Variants in NSMAF observed in about 807,000 individuals in gnomAD.
NSMAF encodes neutral sphingomyelinase activation associated factor.
Under a neutral mutation model 134.9 loss-of-function variants are expected in NSMAF, and 90 were observed. The ratio of observed to expected loss-of-function variants is 0.67; its 90% CI spans 0.56 to 0.79. NSMAF has a LOEUF of 0.79. Ranked by LOEUF, NSMAF falls within the 30% of genes least tolerant of loss-of-function variation. NSMAF has a pLI of 0.00. For missense variants in NSMAF, 1,010 were observed against 1,119.0 expected, an observed-to-expected ratio of 0.90 and a Z score of 1.39; for synonymous variants, 358 against 389.6, an observed-to-expected ratio of 0.92 and a Z score of 0.96.
At chr8:58,607,434 G>C (rs1332493343) in intron 11 of NSMAF, among the ~76,000 whole-genome samples, 2 of 152,202 alleles carry the variant, frequency 1.3e-5, no homozygotes, top group African/African-American at 4.8e-5. Context: ...ATGAATGGTG[G>C]AGGCAAGTAC....
At chr8:58,599,437 T>C (rs1428178320) in intron 18 of NSMAF, 74 bp from the exon 19 acceptor site, 2 of 1,514,154 alleles carry the variant, frequency 1.3e-6, no homozygotes, top group African/African-American at 1.4e-5. Context: ...TCTATCTATA[T>C]GTATATAAAG....
intron 28 of NSMAF, among the ~76,000 whole-genome samples, 168 bp from the exon 29 acceptor site, chr8:58,586,168 C>A (rs1412294876): frequency 1.3e-5 from 2 of 152,122 alleles, no homozygotes; most frequent in Non-Finnish European, 2.9e-5. Context: ...CTAGCCCTTT[C>A]CAAGATGTAA....
At chr8:58,626,460 A>G (rs1806934195) in intron 6 of NSMAF, among the ~76,000 whole-genome samples, 1 of 152,164 alleles carries the variant, frequency 6.6e-6, no homozygotes, top group South Asian at 2.1e-4. Flanking sequence ...GAGAACATAC[A>G]ATAATCTGGT....
chr8:58,603,148 A>T (rs1457882808), intron 13 of NSMAF, 62 bp downstream of exon 13: 7 of 1,460,494 alleles, frequency 4.8e-6, no homozygotes, highest in Non-Finnish European at 6.7e-6. Flanking sequence ...TCTGTCCTTT[A>T]AAAACAATAC....
intron 9 of NSMAF, among the ~76,000 whole-genome samples, chr8:58,616,176 C>G (rs1806648286): frequency 6.6e-6 from 1 of 152,074 alleles, no homozygotes; most frequent in Non-Finnish European, 1.5e-5. Context: ...ATGGCTTCAT[C>G]AATAAATTCT....
At chr8:58,585,846 AT>A in intron 29 of NSMAF, 51 bp downstream of exon 29, 2 of 1,579,950 alleles carry the variant, frequency 1.3e-6, no homozygotes, top group Non-Finnish European at 1.7e-6. Flanking sequence ...AAATGAAGTG[AT>A]CATGAACATG....
chr8:58,591,078 C>G, intron 23 of NSMAF, 144 bp from the exon 24 acceptor site: 1 of 964,618 alleles, frequency 1.0e-6, no homozygotes, highest in Non-Finnish European at 1.4e-6. Context: ...CGAATGTAAA[C>G]AGAGCTAGAT....
chr8:58,656,143 C>T (rs1807704986), intron 1 of NSMAF, among the ~76,000 whole-genome samples: 1 of 151,760 alleles, frequency 6.6e-6, no homozygotes, highest in Admixed American at 6.6e-5. Flanking sequence ...CTCAGTCTCC[C>T]AAGTAGCTGG....
At chr8:58,659,207 A>G in intron 1 of NSMAF, 3 of 1,454,848 alleles carry the variant, frequency 2.1e-6, no homozygotes, top group Non-Finnish European at 1.8e-6. Context: ...TCCCCTGCGA[A>G]CGCCCGGGCT....
chr8:58,659,334 C>A, intron 1 of NSMAF: 1 of 1,527,606 alleles, frequency 6.5e-7, no homozygotes, highest in Non-Finnish European at 8.8e-7. Flanking sequence ...TGGAATCTGG[C>A]CTGGCCCGTC....
At chr8:58,609,091 AC>A (rs1466181956) in intron 10 of NSMAF, among the ~76,000 whole-genome samples, 7 of 152,194 alleles carry the variant, frequency 4.6e-5, no homozygotes, top group African/African-American at 1.7e-4. Context: ...TAACTGCCAG[AC>A]GGCAGGATCT....
chr8:58,586,274 T>A, intron 28 of NSMAF, 184 bp downstream of exon 28: 1 of 643,388 alleles, frequency 1.6e-6, no homozygotes, highest in Non-Finnish European at 2.7e-6. Flanking sequence ...TTCTACCTGA[T>A]ACAAATGCCA....
At chr8:58,642,872 T>G (rs1239137064) in intron 2 of NSMAF, 112 bp downstream of exon 2, 5 of 765,690 alleles carry the variant, frequency 6.5e-6, no homozygotes, top group Non-Finnish European at 1.1e-5. Context: ...TTTAATTTTT[T>G]TTAAAGCCTA....
intron 1 of NSMAF, among the ~76,000 whole-genome samples, chr8:58,647,214 G>A (rs1163267724): frequency 6.6e-6 from 1 of 152,220 alleles, no homozygotes; most frequent in Non-Finnish European, 1.5e-5. Flanking sequence ...AAGCACAGGA[G>A]TGCTGTGTAT....
intron 1 of NSMAF, among the ~76,000 whole-genome samples, chr8:58,646,474 G>A (rs1807455042): frequency 6.6e-6 from 1 of 151,980 alleles, no homozygotes; most frequent in South Asian, 2.1e-4. Context: ...AAGTCATTTT[G>A]GTAAGTGAAT....
rs1563537415 is a variant in NSMAF, at chr8:58,626,091, C to CGTTTTTT, written c.385-2312_385-2311insAAAAAAC. Among the ~76,000 whole-genome samples the CGTTTTTT allele has an allele frequency of 2.0e-5, 2 of 99,370 alleles. 1 individual carries two copies. The allele number at this position is 99,370 out of a possible 152,430, so 65.2% of individuals were successfully genotyped here. A position where few individuals can be genotyped will look rare whatever the true frequency, so the allele number is the denominator to read the frequency against. ...AGCCCCCAAAGTCCATTATATAATTCTTTTTTTTTTTTTTTTTTTTTGAGA... is the reference window on the plus strand; with the variant it reads ...AGCCCCCAAAGTCCATTATATAATTCGTTTTTTTTTTTTTTTTTTTTTTTTTTTGAGA... On this transcript the variant is annotated intron_variant, in intron 6 of 30. Coordinates refer to ENST00000038176, the MANE Select transcript of NSMAF (RefSeq NM_003580.4).
chr8:58,644,557 C>T (rs182479097), intron 1 of NSMAF, among the ~76,000 whole-genome samples: 26 of 152,266 alleles, frequency 1.7e-4, no homozygotes, highest in South Asian at 8.3e-4. Flanking sequence ...GACAGTGTGG[C>T]GATTCCTCAA....
intron 2 of NSMAF, among the ~76,000 whole-genome samples, chr8:58,639,405 T>A (rs948275111): frequency 2.0e-5 from 3 of 152,128 alleles, no homozygotes; most frequent in African/African-American, 7.2e-5. Context: ...CACATTAAGC[T>A]ATTGCTTCAC....
intron 1 of NSMAF, among the ~76,000 whole-genome samples, chr8:58,657,804 T>G (rs765990228): frequency 6.6e-6 from 1 of 152,206 alleles, no homozygotes; most frequent in Non-Finnish European, 1.5e-5. Context: ...TCAGGAACAG[T>G]TGATGCCTCC....
Sources: gnomAD v4.1 joint callset for allele counts (sites outside exome capture counted in the v4.1 genomes callset) on GRCh38, gnomAD v4.1.1 for gene constraint, MANE v1.5 for transcripts, NCBI Gene and HGNC (gene_info 2026-07-23, HGNC 2026-07-21) for gene names.